The following CARF variants were observed in gnomAD, a reference collection of about 807,000 sequenced individuals.
CARF encodes calcium-responsive transcription factor.
In CARF, 57 loss-of-function variants were observed where a neutral mutation model predicts 82.0. The observed-to-expected ratio is 0.70, with a 90% CI of 0.56 to 0.87. The LOEUF (loss-of-function observed/expected upper bound fraction) is 0.87. Among genes scored for constraint, CARF ranks in the 40% least tolerant of loss-of-function variants. The probability of loss-of-function intolerance (pLI) is 0.00; values close to 1 mark genes in which losing one functional copy is unlikely to be tolerated. For synonymous variants in CARF, 268 were observed against 290.1 expected (o/e 0.92, Z 0.77); for missense variants, 771 against 855.8 (o/e 0.90, Z 1.24).
chr2:202,954,983 C>A (rs1472035179), intron 7 of CARF, among the ~76,000 whole-genome samples: 19 of 151,404 alleles, frequency 1.3e-4, no homozygotes, highest in Non-Finnish European at 2.9e-5. Context: ...CACTGTACTC[C>A]AGCCTGGGTG....
chr2:202,938,599 A>G (rs1169136993), intron 3 of CARF, among the ~76,000 whole-genome samples: 1 of 119,486 alleles, frequency 8.4e-6, no homozygotes, highest in African/African-American at 3.3e-5. Context: ...ATCTTAAAGT[A>G]TCTTCCTTTC....
rs550108789 is a variant in CARF at position 202,986,801 on chromosome 2, G to A, written c.*3177G>A. ...TGTCAGAATACATACTTAATCATGT[G>A]GGTATGAGAAAGATGTTGTTTAACT... On this transcript the variant is annotated 3_prime_UTR_variant, in exon 17 of 17. Coordinates refer to ENST00000438828, the MANE Select transcript of CARF (RefSeq NM_024744.17). The A allele has an allele frequency of 7.0e-6, 1 of 143,430 alleles. No homozygotes were observed. Among genetic ancestry groups the A allele is most frequent in the African/African-American group, 2.5e-5 (1 of 39,606 alleles). The allele number at this position is 143,430 out of a possible 1,614,324, so 8.9% of individuals were successfully genotyped here.
intron 2 of CARF, among the ~76,000 whole-genome samples, chr2:202,919,801 AG>A (rs1371065969): frequency 2.0e-5 from 3 of 152,234 alleles, no homozygotes; most frequent in African/African-American, 4.8e-5. Context: ...AAACACATGT[AG>A]GTTTGAGTTC....
chr2:202,915,178 G>C (rs1311559756), intron 1 of CARF, among the ~76,000 whole-genome samples: 1 of 150,686 alleles, frequency 6.6e-6, no homozygotes, highest in East Asian at 2.0e-4. Flanking sequence ...CACCATGCCC[G>C]GCTAATTTTT....
At chr2:202,938,967 A>G (rs962691154) in intron 3 of CARF, among the ~76,000 whole-genome samples, 24 of 152,092 alleles carry the variant, frequency 1.6e-4, no homozygotes, top group Admixed American at 1.2e-3. Context: ...TCTAATTTCA[A>G]TACTCTGTAG....
Position 202,986,868 on chromosome 2 carries a change from GTATA to G in CARF, c.*3281_*3284del, listed in dbSNP as rs67693134. The G allele has an allele frequency of 0.046, 1,365 of 29,600 alleles. 56 individuals are homozygous for G. Among genetic ancestry groups the G allele is most frequent in the African/African-American group, 0.095 (1,231 of 12,982 alleles). The allele number at this position is 29,600 out of a possible 1,614,324, so 1.8% of individuals were successfully genotyped here. ...AAAGAGGTTTAAAAAATGTCTGTGC[GTATA>G]TATATATATATATATATATATATAT... is the stretch of plus-strand genomic sequence containing the variant. On this transcript the variant is annotated 3_prime_UTR_variant, in exon 17 of 17. Coordinates refer to ENST00000438828, the MANE Select transcript of CARF (RefSeq NM_024744.17).
chr2:202,977,470 G>A lies in CARF; in HGVS notation c.1558+138G>A. 3 of 632,528 alleles carry A rather than the reference G, an allele frequency of 4.7e-6. No homozygotes were observed. The South Asian group carries it at 6.3e-5, about 13-fold the overall frequency. 39.2% of individuals were successfully genotyped at this position (632,528 alleles called of 1,614,324 possible). ...AAGACGTAGGAGCAGCTATGTTATGGTTTATCAACATACTTCCTACTATTT... is the reference window on the plus strand; with the variant it reads ...AAGACGTAGGAGCAGCTATGTTATGATTTATCAACATACTTCCTACTATTT... On this transcript the variant is annotated intron_variant, in intron 14 of 16. Coordinates refer to ENST00000438828, the MANE Select transcript of CARF (RefSeq NM_024744.17).
At position 202,977,336 on chromosome 2, in the gene CARF, G is replaced by C; in HGVS notation, c.1558+4G>C. 1 of 1,603,130 alleles carries C rather than the reference G, an allele frequency of 6.2e-7. No individual in the cohort carries two copies. Among genetic ancestry groups the C allele is most frequent in the Non-Finnish European group, 8.5e-7 (1 of 1,170,734 alleles). Reference sequence around the variant, plus strand: ...ATGACAGTTACATTTGCAGAAGGTAGGTTTTCTTGAATACCTTTAAAATAT... The same window carrying C: ...ATGACAGTTACATTTGCAGAAGGTACGTTTTCTTGAATACCTTTAAAATAT... On this transcript the variant is annotated splice_donor_region_variant and intron_variant, in intron 14 of 16. Transcript: ENST00000438828.
intron 5 of CARF, among the ~76,000 whole-genome samples, chr2:202,946,126 A>T (rs143868209): frequency 2.0e-5 from 3 of 151,818 alleles, no homozygotes; most frequent in Admixed American, 2.0e-4. Flanking sequence ...TGAAAAGTTT[A>T]TGTTGAAACT....
In CARF at chr2:202,984,618, GGTAA is replaced by G. The variant is rs1173174119; in HGVS notation, c.*998_*1001del. On this transcript the variant is annotated 3_prime_UTR_variant, in exon 17 of 17. Coordinates refer to ENST00000438828, the MANE Select transcript of CARF (RefSeq NM_024744.17). ...GATATTAGGATTTCTAGTATTTTAA[GGTAA>G]GTATTTATAGTTTAAAATTTAGTTT... The G allele has an allele frequency of 6.6e-6, 1 of 152,024 alleles. No homozygotes were observed. Among genetic ancestry groups the G allele is most frequent in the Admixed American group, 6.6e-5 (1 of 15,262 alleles). The allele number at this position is 152,024 out of a possible 1,614,324, so 9.4% of individuals were successfully genotyped here.
intron 9 of CARF, among the ~76,000 whole-genome samples, chr2:202,963,686 C>A (rs561875287): frequency 6.6e-6 from 1 of 152,304 alleles, no homozygotes; most frequent in African/African-American, 2.4e-5. Context: ...TGTTTTCCTG[C>A]AACTAGCAGG....
chr2:202,926,242 G>T (rs1380402066), intron 3 of CARF, among the ~76,000 whole-genome samples: 1 of 152,196 alleles, frequency 6.6e-6, no homozygotes, highest in East Asian at 1.9e-4. Context: ...AGGGAACCTA[G>T]GGTGGTTCCT....
In CARF at chr2:202,986,904, A is replaced by G. The variant is rs1273708477; in HGVS notation, c.*3280A>G. On this transcript the variant is annotated 3_prime_UTR_variant, in exon 17 of 17. Coordinates refer to ENST00000438828, the MANE Select transcript of CARF (RefSeq NM_024744.17). ...TATATATATATATATATATATATATATATAGCAACTTGATGTATAGTGTCC... is the reference window on the plus strand; with the variant it reads ...TATATATATATATATATATATATATGTATAGCAACTTGATGTATAGTGTCC... 7 of 139,662 alleles carry G rather than the reference A, an allele frequency of 5.0e-5. No individual in the cohort carries two copies. The highest frequency in any genetic ancestry group is 1.1e-4 in the Non-Finnish European group (7 of 64,954). 8.7% of individuals were successfully genotyped at this position (139,662 alleles called of 1,614,324 possible).
intron 8 of CARF, 152 bp from the exon 9 acceptor site, chr2:202,961,085 C>A: frequency 1.7e-6 from 1 of 603,570 alleles, no homozygotes; most frequent in Non-Finnish European, 2.8e-6. Flanking sequence ...CAAATCAGAC[C>A]CACTGATTGT....
intron 3 of CARF, among the ~76,000 whole-genome samples, chr2:202,932,239 T>C (rs544032656): frequency 1.7e-3 from 258 of 152,252 alleles, no homozygotes; most frequent in African/African-American, 6.1e-3. Context: ...GGGGTTATAA[T>C]TGAACATGAG....
intron 1 of CARF, among the ~76,000 whole-genome samples, chr2:202,913,898 GC>G (rs1194878431): frequency 6.6e-6 from 1 of 152,172 alleles, no homozygotes; most frequent in Admixed American, 6.5e-5. Context: ...CTGAATATAT[GC>G]TTAATAATAT....
intron 3 of CARF, among the ~76,000 whole-genome samples, chr2:202,929,578 G>C (rs1329687059): frequency 6.6e-6 from 1 of 152,076 alleles, no homozygotes; most frequent in East Asian, 1.9e-4. Flanking sequence ...TGATGTTTTG[G>C]TTATATAGCT....
In CARF at chr2:202,982,232, A is replaced by C. The variant is rs201298624; in HGVS notation, c.1850A>C (p.Gln617Pro). The stretch of plus-strand genomic sequence containing the variant: ...CTGCTTGGTCAAAGTCATAGCCTTC[A>C]AAGAGATACATGCTTAACCCAAAAC... Reference protein sequence around the residue: ...SLLLGQSHSLQRDTCLTQNNS... With the variant: ...SLLLGQSHSLPRDTCLTQNNS... Residue 617 changes from glutamine (Q) to proline (P), a missense_variant, in exon 16 of 17, where the codon CAA (glutamine) becomes CCA (proline). Transcript: ENST00000438828. 8.7e-6 allele frequency: 14 copies of C among 1,614,178 alleles called. No individual in the cohort carries two copies. The African/African-American group carries it at 1.9e-4, about 22-fold the overall frequency.
chr2:202,958,082 A>T (rs923415788), intron 8 of CARF, among the ~76,000 whole-genome samples: 6 of 152,330 alleles, frequency 3.9e-5, no homozygotes, highest in African/African-American at 1.4e-4. Flanking sequence ...AACTATCAGA[A>T]TGCTTCATTG....
Sources: allele counts gnomAD v4.1 joint callset (sites outside exome capture counted in the v4.1 genomes callset), GRCh38; gene constraint gnomAD v4.1.1; transcripts MANE v1.5; gene names NCBI Gene and HGNC (gene_info 2026-07-23, HGNC 2026-07-21).